PHYHD1: variants seen among roughly 807,000 people sequenced by gnomAD.
The protein encoded by PHYHD1 is phytanoyl-CoA dioxygenase domain containing 1, also known as phytanoyl-CoA dioxygenase domain-containing protein 1.
A neutral mutation model predicts 43.6 loss-of-function variants in PHYHD1; 42 were observed. The observed-to-expected ratio is 0.96, with a 90% confidence interval of 0.75 to 1.25. The LOEUF (loss-of-function observed/expected upper bound fraction) is 1.25. Ranked by LOEUF, PHYHD1 falls within the 50% of genes most tolerant of loss-of-function variation. The pLI, the probability that PHYHD1 is intolerant of heterozygous loss-of-function variation, is 0.00. For missense variants in PHYHD1, 342 were observed against 370.8 expected (o/e 0.92, Z 0.64); for synonymous variants, 139 against 143.6 (o/e 0.97, Z 0.23).
intron 11 of PHYHD1, 66 bp downstream of exon 11, chr9:128,940,781 C>T: frequency 3.9e-6 from 6 of 1,532,354 alleles, no homozygotes; most frequent in Non-Finnish European, 3.6e-6. Flanking sequence ...GCTCGACTAC[C>T]CAGCGTCCAA....
intron 4 of PHYHD1, among the ~76,000 whole-genome samples, chr9:128,932,862 T>TA (rs71383621): frequency 2.1e-5 from 3 of 146,126 alleles, no homozygotes; most frequent in African/African-American, 7.7e-5. Flanking sequence ...TTTATTTATT[T>TA]TTTGAGACAG....
At chr9:128,929,621 TGAG>T (rs891597798) in intron 4 of PHYHD1, among the ~76,000 whole-genome samples, 1 of 151,684 alleles carries the variant, frequency 6.6e-6, no homozygotes, top group Admixed American at 6.6e-5. Flanking sequence ...TGCAGTGAGC[TGAG>T]ATTGTGCCAC....
intron 9 of PHYHD1, chr9:128,938,046 C>T: frequency 8.7e-7 from 1 of 1,153,358 alleles, no homozygotes. Context: ...GTGGCTCATG[C>T]CTGTAATCCC....
chr9:128,928,889 TTTGAG>T (rs1334143670), intron 4 of PHYHD1, among the ~76,000 whole-genome samples: 1 of 152,164 alleles, frequency 6.6e-6, no homozygotes, highest in East Asian at 1.9e-4. Context: ...GCTTTCCTTG[TTTGAG>T]TTATTTTACA....
At chr9:128,933,218 A>T (rs1841342576) in intron 4 of PHYHD1, among the ~76,000 whole-genome samples, 1 of 146,334 alleles carries the variant, frequency 6.8e-6, no homozygotes, top group South Asian at 2.2e-4. Flanking sequence ...GCATAGTGCA[A>T]TCTCGGCTCA....
intron 4 of PHYHD1, 132 bp downstream of exon 4, chr9:128,927,328 C>T: frequency 1.9e-6 from 2 of 1,050,080 alleles, no homozygotes; most frequent in Admixed American, 4.8e-5. Context: ...CACACCTTTC[C>T]CTCGCTCCTC....
At chr9:128,924,504 C>T (rs1458833669) in intron 3 of PHYHD1, among the ~76,000 whole-genome samples, 1 of 151,694 alleles carries the variant, frequency 6.6e-6, no homozygotes, top group Non-Finnish European at 1.5e-5. Context: ...CCCAGCTACT[C>T]GGGAGACTGA....
At chr9:128,940,571 G>C (rs1328580163) in intron 10 of PHYHD1, 28 bp from the exon 11 acceptor site, 2 of 1,614,090 alleles carry the variant, frequency 1.2e-6, no homozygotes, top group Non-Finnish European at 1.7e-6. Flanking sequence ...GAAAGGAGGA[G>C]TTTAAGGCTC....
chr9:128,922,022 C>T lies in PHYHD1; in HGVS notation c.-67C>T. On this transcript the variant is annotated 5_prime_UTR_variant, in exon 2 of 13. Coordinates refer to ENST00000372592, the MANE Select transcript of PHYHD1 (RefSeq NM_001100876.2). Reference sequence around the variant, plus strand: ...CAGCCCAGCTGCTTGGCCTGACCCTCTCACAGCATAATTTCCCGGCACCTG... The same window carrying T: ...CAGCCCAGCTGCTTGGCCTGACCCTTTCACAGCATAATTTCCCGGCACCTG... 1 of 458,250 alleles carries T rather than the reference C, an allele frequency of 2.2e-6. No individual in the cohort carries two copies. The highest frequency in any genetic ancestry group is 3.9e-6 in the Non-Finnish European group (1 of 256,092). The allele number at this position is 458,250 out of a possible 1,614,324, so 28.4% of individuals were successfully genotyped here.
intron 10 of PHYHD1, 25 bp from the exon 11 acceptor site, chr9:128,940,574 T>C (rs1841532565): frequency 1.2e-6 from 2 of 1,614,014 alleles, no homozygotes; most frequent in Non-Finnish European, 1.7e-6. Context: ...AGGAGGAGTT[T>C]AAGGCTCTCC....
chr9:128,941,741 C>G lies in PHYHD1; in HGVS notation c.*28C>G, dbSNP rs773119185. On this transcript the variant is annotated 3_prime_UTR_variant, in exon 13 of 13. Coordinates refer to ENST00000372592, the MANE Select transcript of PHYHD1 (RefSeq NM_001100876.2). ...GCTCTCGCAGGGCAGGAGCCCTCGC[C>G]CCTCCCGGGTGAAGCTGTGGGCTGT... 13 of 1,613,988 alleles carry G rather than the reference C, an allele frequency of 8.1e-6. No homozygotes were observed. The highest frequency in any genetic ancestry group is 3.3e-4 in the Middle Eastern group (2 of 6,084).
rs1475009664 is a variant in PHYHD1, at chr9:128,941,524, T to C, written c.783T>C (p.Thr261=). 6.2e-7 allele frequency: 1 copy of C among 1,614,052 alleles called. No individual in the cohort carries two copies. The highest frequency in any genetic ancestry group is 1.7e-5 in the Admixed American group (1 of 60,008). Residue 261 remains threonine (T), a synonymous_variant, in exon 12 of 13, where the codon ACT becomes ACC. Coordinates refer to ENST00000372592, the MANE Select transcript of PHYHD1 (RefSeq NM_001100876.2). ...CTGACCGCTCGCGCCAGGCCTACACTTTCCACCTCATGGAGGCCTCTGGCA... is the reference window on the plus strand; with the variant it reads ...CTGACCGCTCGCGCCAGGCCTACACCTTCCACCTCATGGAGGCCTCTGGCA... ...NLSDRSRQAY[T]FHLMEASGTT...
chr9:128,938,173 T>C (rs1729770369), intron 9 of PHYHD1, among the ~76,000 whole-genome samples: 1 of 152,030 alleles, frequency 6.6e-6, no homozygotes, highest in Non-Finnish European at 1.5e-5. Context: ...GTGGGTGTAG[T>C]ATCGCACACC....
chr9:128,927,238 G>T, intron 4 of PHYHD1, 42 bp downstream of exon 4: 5 of 1,608,650 alleles, frequency 3.1e-6, no homozygotes, highest in Non-Finnish European at 4.2e-6. Flanking sequence ...TGGCTTTTGA[G>T]GGAGGGCTTG....
Position 128,936,458 on chromosome 9 carries a change from C to T in PHYHD1, c.327C>T (p.Ala109=). The T allele has an allele frequency of 1.9e-6, 3 of 1,612,964 alleles. No homozygotes were observed. The highest frequency in any genetic ancestry group is 2.5e-6 in the Non-Finnish European group (3 of 1,179,676). ...SINKIGHALH[A]HDPVFKSITH... is the part of the protein sequence containing the mutation. The stretch of plus-strand genomic sequence containing the variant: ...CCTTCTGTCCCATAGCTCTGCACGC[C>T]CACGACCCCGTCTTCAAGAGCATCA... The change falls in exon 7 of 13, where the codon GCC becomes GCT. Residue 109 remains alanine (A), a synonymous_variant. Coordinates refer to ENST00000372592, the MANE Select transcript of PHYHD1 (RefSeq NM_001100876.2).
chr9:128,940,765 G>T, intron 11 of PHYHD1, 50 bp downstream of exon 11: 1 of 1,575,666 alleles, frequency 6.3e-7, no homozygotes. Flanking sequence ...CCATCAGTCT[G>T]TGCTTGCTCG....
Position 128,922,360 on chromosome 9 carries a change from G to A in PHYHD1, c.33+4G>A. 6.5e-7 allele frequency: 1 copy of A among 1,549,158 alleles called. No individual in the cohort carries two copies. The highest frequency in any genetic ancestry group is 2.4e-5 in the East Asian group (1 of 40,906). The stretch of plus-strand genomic sequence containing the variant: ...GAGCCCCTCGCAGCTCCAGAAGGTA[G>A]GAGCCTGCAAGTCGGGGCCGGGAGG... On this transcript the variant is annotated splice_donor_region_variant and intron_variant, in intron 3 of 12. Coordinates refer to ENST00000372592, the MANE Select transcript of PHYHD1 (RefSeq NM_001100876.2).
rs1840988716 is a variant in PHYHD1, at chr9:128,921,128, G to C, written c.-700G>C. On this transcript the variant is annotated 5_prime_UTR_variant, in exon 1 of 13. Coordinates refer to ENST00000372592, the MANE Select transcript of PHYHD1 (RefSeq NM_001100876.2). ...TTTTGTTTTTGTTTTTGTTTTTTGA[G>C]ATGGAGTCTTACTCTGTCGTCCAGG... is the stretch of plus-strand genomic sequence containing the variant. 1 of 152,268 alleles carries C rather than the reference G, an allele frequency of 6.6e-6. No individual in the cohort carries two copies. Among genetic ancestry groups the C allele is most frequent in the East Asian group, 1.9e-4 (1 of 5,192 alleles). The allele number at this position is 152,268 out of a possible 1,614,324, so 9.4% of individuals were successfully genotyped here.
intron 6 of PHYHD1, among the ~76,000 whole-genome samples, chr9:128,934,712 G>A (rs1841382997): frequency 6.6e-6 from 1 of 151,144 alleles, no homozygotes; most frequent in African/African-American, 2.4e-5. Context: ...AGGCTGCAGT[G>A]AGCCGATATC....
Sources: allele counts gnomAD v4.1 joint callset (sites outside exome capture counted in the v4.1 genomes callset), GRCh38; gene constraint gnomAD v4.1.1; transcripts MANE v1.5; gene names NCBI Gene and HGNC (gene_info 2026-07-23, HGNC 2026-07-21).